The following UGT2B7 variants were observed in gnomAD, a reference collection of about 807,000 sequenced individuals.
The protein encoded by UGT2B7 is UDP glucuronosyltransferase family 2 member B7.
UGT2B7 carries 51 observed loss-of-function variants against 51.9 expected under a neutral mutation model. The observed-to-expected ratio is 0.98, with a 90% CI of 0.78 to 1.24. The LOEUF is 1.24. Ranked by LOEUF, UGT2B7 falls within the 50% of genes most tolerant of loss-of-function variation. The probability of loss-of-function intolerance (pLI) is 0.00; values close to 1 mark genes in which losing one functional copy is unlikely to be tolerated. For missense variants in UGT2B7, 727 were observed against 628.4 expected, an observed-to-expected ratio of 1.16 and a Z score of -1.68; for synonymous variants, 225 against 211.6, an observed-to-expected ratio of 1.06 and a Z score of -0.55.
chr4:69,074,123 T>C (rs1209495876), intron 1 of UGT2B7, among the ~76,000 whole-genome samples: 1 of 152,060 alleles, frequency 6.6e-6, no homozygotes, highest in Non-Finnish European at 1.5e-5. Context: ...AATGGGAGGA[T>C]TGACTCCAGG....
chr4:69,058,744 A>G (rs1718274125), intron 1 of UGT2B7, among the ~76,000 whole-genome samples: 1 of 152,152 alleles, frequency 6.6e-6, no homozygotes, highest in Non-Finnish European at 1.5e-5. Flanking sequence ...CACAAGTTGT[A>G]CATTAACGGA....
upstream of UGT2B7, among the ~76,000 whole-genome samples, chr4:69,093,601 C>A (rs746128575): frequency 1.3e-5 from 2 of 152,204 alleles, no homozygotes; most frequent in Non-Finnish European, 2.9e-5. Context: ...CGTCTCTACA[C>A]GTGCCTGAGT....
intron 1 of UGT2B7, among the ~76,000 whole-genome samples, chr4:69,058,746 A>G (rs1718274226): frequency 6.6e-6 from 1 of 152,190 alleles, no homozygotes; most frequent in Non-Finnish European, 1.5e-5. Flanking sequence ...CAAGTTGTAC[A>G]TTAACGGAGA....
chr4:69,054,183 G>A (rs1718120986), intron 1 of UGT2B7, among the ~76,000 whole-genome samples: 1 of 151,760 alleles, frequency 6.6e-6, no homozygotes, highest in Non-Finnish European at 1.5e-5. Context: ...CAGCCCTGAG[G>A]TTACCTGACC....
intron 1 of UGT2B7, among the ~76,000 whole-genome samples, chr4:69,070,392 C>A (rs1272382586): frequency 6.7e-6 from 1 of 149,250 alleles, no homozygotes; most frequent in Non-Finnish European, 1.5e-5. Flanking sequence ...GAACCCTCTT[C>A]CATATAAACA....
Position 69,098,700 on chromosome 4 carries a change from T to TTTG in UGT2B7, c.870+16_870+18dup. On this transcript the variant is annotated intron_variant, in intron 2 of 5. Coordinates refer to ENST00000305231, the MANE Select transcript of UGT2B7 (RefSeq NM_001074.4). ...AACCCCTGCCTAAGGTAAACATACT[T>TTTG]TTGTTGGTTTTATTTTGTTGGCTTT... is the stretch of plus-strand genomic sequence containing the variant. 6.2e-7 allele frequency: 1 copy of TTTG among 1,604,340 alleles called. No individual in the cohort carries two copies. Among genetic ancestry groups the TTTG allele is most frequent in the Non-Finnish European group, 8.5e-7 (1 of 1,177,214 alleles).
At chr4:69,061,656 A>G (rs771941965) in intron 1 of UGT2B7, among the ~76,000 whole-genome samples, 2 of 152,210 alleles carry the variant, frequency 1.3e-5, no homozygotes, top group African/African-American at 2.4e-5. Flanking sequence ...AGGAACTCAC[A>G]TGAGAAAAAC....
At chr4:69,086,309 T>C (rs1000136396) in intron 1 of UGT2B7, among the ~76,000 whole-genome samples, 8 of 151,882 alleles carry the variant, frequency 5.3e-5, no homozygotes, top group African/African-American at 1.9e-4. Flanking sequence ...TTCTTTCTTT[T>C]ATTGATTTCT....
chr4:69,083,280 A>T (rs4131317), intron 1 of UGT2B7, among the ~76,000 whole-genome samples: 87,717 of 151,956 alleles, frequency 0.58, 26,324 homozygotes, highest in African/African-American at 0.71. Context: ...ATAAAGGTGT[A>T]AATTTACTTT....
chr4:69,096,596 G>C lies in UGT2B7; in HGVS notation c.76G>C (p.Val26Leu), dbSNP rs1719234527. ...CTTTAGCTCTGGGAATTGTGGAAAGGTGCTGGTGTGGGCAGCAGAATACAG... is the reference window on the plus strand; with the variant it reads ...CTTTAGCTCTGGGAATTGTGGAAAGCTGCTGGTGTGGGCAGCAGAATACAG... ...FCFSSGNCGK[V>L]LVWAAEYSHW... Residue 26 changes from valine (V) to leucine (L), a missense_variant, in exon 1 of 6, where the codon GTG becomes CTG. Coordinates refer to ENST00000305231, the MANE Select transcript of UGT2B7 (RefSeq NM_001074.4). The C allele has an allele frequency of 6.8e-6, 11 of 1,613,890 alleles. No individual in the cohort carries two copies. In the East Asian group the frequency reaches 2.2e-4, roughly 33 times the overall value.
At chr4:69,105,403 C>T (rs1719563380) in intron 3 of UGT2B7, among the ~76,000 whole-genome samples, 1 of 152,150 alleles carries the variant, frequency 6.6e-6, no homozygotes, top group African/African-American at 2.4e-5. Context: ...TACTTTAACA[C>T]TGATGTAGCA....
At chr4:69,086,248 T>C (rs1718953813) in intron 1 of UGT2B7, among the ~76,000 whole-genome samples, 3 of 151,856 alleles carry the variant, frequency 2.0e-5, no homozygotes, top group Non-Finnish European at 2.9e-5. Flanking sequence ...ATGGACTCAA[T>C]GGTTGTTTAT....
chr4:69,054,231 T>C (rs563664080), intron 1 of UGT2B7, among the ~76,000 whole-genome samples: 89 of 150,774 alleles, frequency 5.9e-4, no homozygotes, highest in Non-Finnish European at 1.2e-3. Flanking sequence ...AAGAAAAAAA[T>C]GGCAGTTGGA....
intron 1 of UGT2B7, among the ~76,000 whole-genome samples, chr4:69,067,247 CCT>C (rs1341509129): frequency 6.6e-6 from 1 of 152,144 alleles, no homozygotes; most frequent in African/African-American, 2.4e-5. Context: ...GGTGCATCTT[CCT>C]CTGTGATCTG....
At chr4:69,082,892 A>G (rs1718869249) in intron 1 of UGT2B7, among the ~76,000 whole-genome samples, 2 of 152,092 alleles carry the variant, frequency 1.3e-5, no homozygotes, top group Non-Finnish European at 2.9e-5. Context: ...CTGGCTTTAG[A>G]GCATTAAAAG....
intron 3 of UGT2B7, among the ~76,000 whole-genome samples, chr4:69,105,477 T>C (rs1477666841): frequency 1.3e-5 from 2 of 152,186 alleles, no homozygotes; most frequent in Non-Finnish European, 1.5e-5. Context: ...GTTTCAAAAT[T>C]AGTAACTTAA....
At position 69,097,162 on chromosome 4, in the gene UGT2B7, G is replaced by T; in HGVS notation, c.642G>T (p.Met214Ile). The T allele has an allele frequency of 1.2e-6, 2 of 1,613,470 alleles. No homozygotes were observed. The highest frequency in any genetic ancestry group is 1.7e-6 in the Non-Finnish European group (2 of 1,179,614). The part of the protein sequence containing the change: ...QMTFMERVKN[M>I]IYVLYFDFWF... ...CTTTCATGGAGAGGGTAAAAAATAT[G>T]ATCTATGTGCTTTACTTTGACTTTT... Residue 214 changes from methionine to isoleucine, a missense_variant, in exon 1 of 6, where the codon ATG (methionine) becomes ATT (isoleucine). Met to Ile is a conservative substitution (Grantham distance 10). Transcript: ENST00000305231.
intron 1 of UGT2B7, among the ~76,000 whole-genome samples, chr4:69,059,729 C>T (rs115311782): frequency 0.033 from 5,058 of 152,238 alleles, 267 homozygotes; most frequent in African/African-American, 0.12. Flanking sequence ...AACATGGAAT[C>T]ATAGTCAAAT....
intron 1 of UGT2B7, among the ~76,000 whole-genome samples, chr4:69,080,316 G>T (rs1718807071): frequency 6.6e-6 from 1 of 152,130 alleles, no homozygotes; most frequent in South Asian, 2.1e-4. Flanking sequence ...GGGATGACAA[G>T]ATGTTTGGAT....
Sources: allele counts gnomAD v4.1 joint callset (sites outside exome capture counted in the v4.1 genomes callset), GRCh38; gene constraint gnomAD v4.1.1; transcripts MANE v1.5; gene names NCBI Gene and HGNC (gene_info 2026-07-23, HGNC 2026-07-21).